DCC: variants seen among roughly 807,000 people sequenced by gnomAD.
DCC encodes the protein DCC netrin 1 receptor, also known as netrin receptor DCC.
A neutral mutation model predicts 172.5 loss-of-function variants in DCC; 58 were observed. That is an observed-to-expected ratio of 0.34 (90% confidence interval 0.27 to 0.42). DCC has a LOEUF of 0.42. Ranked by LOEUF, DCC falls within the 10% of genes least tolerant of loss-of-function variation. The pLI, the probability that DCC is intolerant of heterozygous loss-of-function variation, is 1.00. For synonymous variants in DCC, 709 were observed against 644.5 expected, an observed-to-expected ratio of 1.10 and a Z score of -1.52; for missense variants, 1,740 against 1,791.0, an observed-to-expected ratio of 0.97 and a Z score of 0.51.
At chr18:52,792,597 A>T (rs1188380465) in intron 2 of DCC, among the ~76,000 whole-genome samples, 2 of 152,216 alleles carry the variant, frequency 1.3e-5, no homozygotes, top group South Asian at 2.1e-4. Flanking sequence ...CCAGAAACCC[A>T]TAGGTATTGG....
chr18:53,162,028 G>A (rs1480306920), intron 8 of DCC, among the ~76,000 whole-genome samples: 1 of 152,092 alleles, frequency 6.6e-6, no homozygotes, highest in Non-Finnish European at 1.5e-5. Context: ...GCCAGGCATG[G>A]TGGCTCACGC....
At chr18:53,351,326 ATATATACAGTG>A (rs200583828) in intron 15 of DCC, among the ~76,000 whole-genome samples, 6,968 of 56,628 alleles carry the variant, frequency 0.12, 1,033 homozygotes, top group East Asian at 0.19. Context: ...CACTGTATAT[ATATATACAGTG>A]TATATATATA....
chr18:53,286,392 A>C (rs2144738869), intron 12 of DCC, among the ~76,000 whole-genome samples: 1 of 152,278 alleles, frequency 6.6e-6, no homozygotes, highest in Admixed American at 6.5e-5. Flanking sequence ...GTTTACCTGC[A>C]CAAGCTCTCT....
At chr18:52,982,745 G>T (rs888547383) in intron 5 of DCC, among the ~76,000 whole-genome samples, 1 of 152,126 alleles carries the variant, frequency 6.6e-6, no homozygotes, top group Non-Finnish European at 1.5e-5. Context: ...TTATCCTGTT[G>T]AATGTTAAGC....
At chr18:53,123,778 C>A (rs1043411548) in intron 7 of DCC, among the ~76,000 whole-genome samples, 1 of 152,048 alleles carries the variant, frequency 6.6e-6, no homozygotes, top group Non-Finnish European at 1.5e-5. Context: ...CATCTCTCCC[C>A]TCTGTGATTA....
intron 5 of DCC, among the ~76,000 whole-genome samples, chr18:52,937,453 G>A (rs901305847): frequency 5.9e-5 from 9 of 152,018 alleles, no homozygotes; most frequent in Non-Finnish European, 1.0e-4. Context: ...AAGCCTTTTT[G>A]TTTAATGGAC....
chr18:52,898,472 G>A (rs953893371), intron 2 of DCC, among the ~76,000 whole-genome samples: 1 of 152,034 alleles, frequency 6.6e-6, no homozygotes, highest in Non-Finnish European at 1.5e-5. Flanking sequence ...GAAAACTAAA[G>A]TACTTTAGAA....
At chr18:52,933,071 T>C (rs971559335) in intron 5 of DCC, among the ~76,000 whole-genome samples, 2 of 152,126 alleles carry the variant, frequency 1.3e-5, no homozygotes, top group African/African-American at 4.8e-5. Context: ...GCTGGAAAAG[T>C]TCACCTTAAT....
intron 27 of DCC, among the ~76,000 whole-genome samples, chr18:53,521,084 T>C (rs1203007774): frequency 6.6e-6 from 1 of 151,820 alleles, no homozygotes; most frequent in Non-Finnish European, 1.5e-5. Context: ...GCCCTCGTGG[T>C]TCCGGCATTC....
At chr18:52,610,775 C>T (rs941891049) in intron 1 of DCC, among the ~76,000 whole-genome samples, 1 of 152,012 alleles carries the variant, frequency 6.6e-6, no homozygotes, top group Non-Finnish European at 1.5e-5. Flanking sequence ...ATTTATGGGC[C>T]CTTACATTTA....
intron 14 of DCC, among the ~76,000 whole-genome samples, chr18:53,334,975 A>T (rs759395998): frequency 1.7e-4 from 26 of 152,182 alleles, no homozygotes; most frequent in Non-Finnish European, 3.1e-4. Flanking sequence ...GCAGGATCAT[A>T]TGTTAATTCT....
At chr18:52,807,020 G>A (rs1839807268) in intron 2 of DCC, among the ~76,000 whole-genome samples, 2 of 152,108 alleles carry the variant, frequency 1.3e-5, no homozygotes, top group African/African-American at 2.4e-5. Flanking sequence ...TGGTGAAACC[G>A]TATCTCTACT....
intron 9 of DCC, among the ~76,000 whole-genome samples, chr18:53,184,002 TAAAAAAA>T (rs201337705): frequency 7.9e-5 from 11 of 138,478 alleles, no homozygotes; most frequent in Non-Finnish European, 1.4e-4. Context: ...GCATCTCATT[TAAAAAAA>T]AAAAAAAAAA....
At chr18:52,929,514 A>T (rs570386140) in intron 5 of DCC, among the ~76,000 whole-genome samples, 89 of 152,238 alleles carry the variant, frequency 5.8e-4, no homozygotes, top group African/African-American at 2.1e-3. Flanking sequence ...CTGACAGGGG[A>T]GCAGGGAAGA....
At chr18:53,429,689 C>T (rs1911482932) in intron 21 of DCC, among the ~76,000 whole-genome samples, 1 of 152,018 alleles carries the variant, frequency 6.6e-6, no homozygotes, top group Non-Finnish European at 1.5e-5. Context: ...CAGATTATTG[C>T]CCTTAGACTT....
intron 5 of DCC, among the ~76,000 whole-genome samples, chr18:52,929,504 C>A (rs1175343666): frequency 6.6e-6 from 1 of 151,898 alleles, no homozygotes; most frequent in African/African-American, 2.4e-5. Flanking sequence ...AGCAGAAAGG[C>A]TGACAGGGGA....
intron 1 of DCC, among the ~76,000 whole-genome samples, chr18:52,421,598 T>C (rs926831746): frequency 1.3e-5 from 2 of 152,216 alleles, no homozygotes; most frequent in Non-Finnish European, 2.9e-5. Flanking sequence ...CTGCACTTTC[T>C]TGAAGCTCAC....
chr18:53,504,006 A>G (rs2046137930), intron 27 of DCC, among the ~76,000 whole-genome samples: 1 of 152,144 alleles, frequency 6.6e-6, no homozygotes. Context: ...TCCCCGTGCA[A>G]ATTGTGGCAT....
In DCC at chr18:52,687,923, G is replaced by A. The variant is rs146206109; in HGVS notation, c.92-64131G>A. Among the ~76,000 whole-genome samples, 4 of 152,154 alleles carry A rather than the reference G, an allele frequency of 2.6e-5. No homozygotes were observed. The East Asian group carries it at 5.8e-4, about 22-fold the overall frequency. ...CAGAGAACAGTGCTTTTGTTTTCAC[G>A]ACCCTTCAGTTGTCTTTGACTGTTC... On this transcript the variant is annotated intron_variant, in intron 1 of 28. Coordinates refer to ENST00000442544, the MANE Select transcript of DCC (RefSeq NM_005215.4).
Sources: allele counts gnomAD v4.1 joint callset (sites outside exome capture counted in the v4.1 genomes callset), GRCh38; gene constraint gnomAD v4.1.1; transcripts MANE v1.5; gene names NCBI Gene and HGNC (gene_info 2026-07-23, HGNC 2026-07-21).